The following RIOK2 variants were observed in gnomAD, a reference collection of about 807,000 sequenced individuals.
The protein encoded by RIOK2 is RIO kinase 2.
RIOK2 carries 46 observed loss-of-function variants against 62.4 expected under a neutral mutation model. The observed-to-expected ratio is 0.74, with a 90% CI of 0.58 to 0.94. RIOK2 has a LOEUF of 0.94. Ranked by LOEUF, RIOK2 falls within the 40% of genes least tolerant of loss-of-function variation. The pLI, the probability that RIOK2 is intolerant of heterozygous loss-of-function variation, is 0.00. For synonymous variants in RIOK2, 197 were observed against 216.0 expected, an observed-to-expected ratio of 0.91 and a Z score of 0.77; for missense variants, 574 against 658.0, an observed-to-expected ratio of 0.87 and a Z score of 1.40.
Position 97,161,937 on chromosome 5 carries a change from G to A in RIOK2, c.*1124C>T, listed in dbSNP as rs1748711048. The A allele has an allele frequency of 6.6e-6, 1 of 152,132 alleles. No individual in the cohort carries two copies. Among genetic ancestry groups the A allele is most frequent in the Non-Finnish European group, 1.5e-5 (1 of 68,022 alleles). 9.4% of individuals were successfully genotyped at this position (152,132 alleles called of 1,614,324 possible). On this transcript the variant is annotated 3_prime_UTR_variant, in exon 10 of 10. Transcript: ENST00000283109. Reference sequence around the variant, plus strand: ...TGTCAGGTAACTTTTGAGGGAAGAGGAATTGGCATTTTCTAGCTTCTATAT... The same window carrying A: ...TGTCAGGTAACTTTTGAGGGAAGAGAAATTGGCATTTTCTAGCTTCTATAT...
Position 97,177,215 on chromosome 5 carries a change from T to G in RIOK2, c.399A>C (p.Arg133=). 6.2e-7 allele frequency: 1 copy of G among 1,613,758 alleles called. No individual in the cohort carries two copies. Among genetic ancestry groups the G allele is most frequent in the Non-Finnish European group, 8.5e-7 (1 of 1,179,832 alleles). ...GATAATCGCGTTTGTTTTTCAAATT[T>G]CGAAACGAGGTTCTTCCTAGTCTGT... ...KLHRLGRTSF[R]NLKNKRDYHK... The change falls in exon 4 of 10, where the codon CGA becomes CGC. Residue 133 remains arginine, a synonymous_variant. Transcript: ENST00000283109.
At chr5:97,176,137 T>G (rs1359419451) in intron 4 of RIOK2, 1 of 152,200 alleles carries the variant, frequency 6.6e-6, no homozygotes, top group Non-Finnish European at 1.5e-5. Flanking sequence ...TATAAATGTA[T>G]GAGGTACATG....
At chr5:97,166,508 T>C (rs1748844802) in intron 8 of RIOK2, 2 of 200,464 alleles carry the variant, frequency 1.0e-5, no homozygotes, top group Non-Finnish European at 2.1e-5. Context: ...ATTTTAATTG[T>C]CATATTACTA....
At position 97,178,999 on chromosome 5, in the gene RIOK2, G is replaced by T. The variant is rs1178825239; in HGVS notation, c.205+56C>A. 4.4e-6 allele frequency: 7 copies of T among 1,602,568 alleles called. No homozygotes were observed. In the Admixed American group the frequency reaches 1.2e-4, roughly 27 times the overall value. ...CTACTTCTTGACTTTTGGAACACTT[G>T]CTCTGGTGGAAACCAATTACCTGAA... On this transcript the variant is annotated intron_variant, in intron 2 of 9. Transcript: ENST00000283109.
At chr5:97,182,961 C>A (rs1749464203) in intron 1 of RIOK2, 165 bp downstream of exon 1, 1 of 793,468 alleles carries the variant, frequency 1.3e-6, no homozygotes, top group Admixed American at 1.8e-5. Flanking sequence ...CCAAACAAAA[C>A]CTTTTTAAAA....
At chr5:97,178,041 C>T (rs892810769) in intron 2 of RIOK2, among the ~76,000 whole-genome samples, 193 bp from the exon 3 acceptor site, 1 of 152,152 alleles carries the variant, frequency 6.6e-6, no homozygotes, top group African/African-American at 2.4e-5. Context: ...CAAAATGTGA[C>T]CTACAGACAG....
At position 97,171,325 on chromosome 5, in the gene RIOK2, T is replaced by A. The variant is rs572419027; in HGVS notation, c.660A>T (p.Ala220=). 30 of 1,610,178 alleles carry A rather than the reference T, an allele frequency of 1.9e-5. 1 individual carries two copies. The African/African-American group carries it at 2.8e-4, about 15-fold the overall frequency. Residue 220 remains alanine, a synonymous_variant, in exon 6 of 10, where the codon GCA becomes GCT. Transcript: ENST00000283109. ...AATCTCCATGAATCAGCCCATGATT[T>A]GCAAGTTTGACAATTAGTTCCATAG... ...DEAMELIVKL[A]NHGLIHGDFN...
chr5:97,179,001 T>C, intron 2 of RIOK2, 54 bp downstream of exon 2: 1 of 1,607,052 alleles, frequency 6.2e-7, no homozygotes, highest in Non-Finnish European at 8.5e-7. Flanking sequence ...GAACACTTGC[T>C]CTGGTGGAAA....
intron 3 of RIOK2, among the ~76,000 whole-genome samples, chr5:97,177,498 G>C (rs912363119): frequency 1.3e-5 from 2 of 152,194 alleles, no homozygotes; most frequent in East Asian, 3.9e-4. Flanking sequence ...GATATATCTT[G>C]GGAGTTATTA....
rs1446850837 is a variant in RIOK2, at chr5:97,165,016, A to G, written c.1494+35T>C. On this transcript the variant is annotated intron_variant, in intron 9 of 9. Coordinates refer to ENST00000283109, the MANE Select transcript of RIOK2 (RefSeq NM_018343.3). ...GGCAATCAGATCACAGTAGTGATGT[A>G]ATAAACATTCAGTACATGTTGAATG... The G allele has an allele frequency of 5.9e-6, 8 of 1,355,994 alleles. No individual in the cohort carries two copies. The African/African-American group carries it at 1.2e-4, about 20-fold the overall frequency. 84.0% of individuals were successfully genotyped at this position (1,355,994 alleles called of 1,614,324 possible).
In RIOK2 at chr5:97,163,166, T is replaced by A. The variant is rs776263383; in HGVS notation, c.1554A>T (p.Arg518Ser). ...TTGCTTCTCCTTTCTGCAATCGACG[T>A]CTGACAGCTGATTTTTGCTGTTTTG... ...QLTKQQKSAVRRRLQKGEANI... is the reference protein window; with the variant it reads ...QLTKQQKSAVSRRLQKGEANI... The change falls in exon 10 of 10, where the codon AGA (arginine) becomes AGT (serine). Residue 518 changes from arginine (R) to serine (S), a missense_variant. Coordinates refer to ENST00000283109, the MANE Select transcript of RIOK2 (RefSeq NM_018343.3). 1 of 1,613,716 alleles carries A rather than the reference T, an allele frequency of 6.2e-7. No homozygotes were observed. The highest frequency in any genetic ancestry group is 8.5e-7 in the Non-Finnish European group (1 of 1,179,836).
chr5:97,177,417 C>A, intron 3 of RIOK2, 126 bp from the exon 4 acceptor site: 1 of 908,922 alleles, frequency 1.1e-6, no homozygotes, highest in East Asian at 2.7e-5. Context: ...TTGAGTATCC[C>A]TCCTTATCCA....
intron 1 of RIOK2, among the ~76,000 whole-genome samples, chr5:97,180,154 A>ATATATGTATATATATGTATATGTATG (rs1749363290): frequency 7.6e-6 from 1 of 131,770 alleles, no homozygotes; most frequent in African/African-American, 2.8e-5. Flanking sequence ...ATATATATAT[A>ATATATGTATATATATGTATATGTATG]TATATATGTG....
chr5:97,167,798 G>A lies in RIOK2; in HGVS notation c.1066C>T (p.Arg356Trp), dbSNP rs1161416386. Residue 356 changes from arginine to tryptophan, a missense_variant, in exon 8 of 10, where the codon CGG (arginine) becomes TGG (tryptophan). Arg to Trp is a moderately radical substitution (Grantham distance 101). Transcript: ENST00000283109. ...EVYGSENESE[R>W]NCLEESEGCY... ...CCCTCTGATTCTTCTAGACAGTTCC[G>A]TTCACTTTCATTTTCTGACCCGTAA... 5.6e-6 allele frequency: 9 copies of A among 1,613,976 alleles called. No homozygotes were observed. The highest frequency in any genetic ancestry group is 1.7e-5 in the Admixed American group (1 of 60,004).
chr5:97,165,234 C>A (rs544216842), intron 8 of RIOK2, 87 bp from the exon 9 acceptor site: 2 of 595,288 alleles, frequency 3.4e-6, no homozygotes, highest in South Asian at 6.2e-5. Context: ...TTTTTGCATG[C>A]AGCAAAACTG....
chr5:97,175,393 AT>A (rs1749138258), intron 4 of RIOK2, among the ~76,000 whole-genome samples: 1 of 152,230 alleles, frequency 6.6e-6, no homozygotes, highest in South Asian at 2.1e-4. Flanking sequence ...CCTAGACCTC[AT>A]GCTATAGCCC....
In RIOK2 at chr5:97,165,281, A is replaced by G. The variant is rs192165217; in HGVS notation, c.1398-134T>C. On this transcript the variant is annotated intron_variant, in intron 8 of 9. Transcript: ENST00000283109. ...TACTTCAGAAAGATCATTATATTTT[A>G]AAATTTCTGTGAAGATAAAACTACC... is the stretch of plus-strand genomic sequence containing the variant. 8.6e-4 allele frequency: 366 copies of G among 424,028 alleles called. 2 individuals carry two copies. Among genetic ancestry groups the G allele is most frequent in the African/African-American group, 7.0e-3 (342 of 49,180 alleles). 26.3% of individuals were successfully genotyped at this position (424,028 alleles called of 1,614,324 possible).
chr5:97,169,952 C>T (rs978114548), intron 6 of RIOK2, among the ~76,000 whole-genome samples: 1 of 152,014 alleles, frequency 6.6e-6, no homozygotes, highest in African/African-American at 2.4e-5. Flanking sequence ...TACTGACCAC[C>T]CCAGTGCCAG....
intron 1 of RIOK2, among the ~76,000 whole-genome samples, chr5:97,179,465 C>T (rs1749275915): frequency 1.3e-5 from 2 of 152,062 alleles, no homozygotes; most frequent in Admixed American, 6.6e-5. Flanking sequence ...CTTGATGACA[C>T]CTAAACATTT....
Sources: allele counts gnomAD v4.1 joint callset (sites outside exome capture counted in the v4.1 genomes callset), GRCh38; gene constraint gnomAD v4.1.1; transcripts MANE v1.5; gene names NCBI Gene and HGNC (gene_info 2026-07-23, HGNC 2026-07-21).